The following KIAA2012 variants were observed in gnomAD, a reference collection of about 807,000 sequenced individuals.
KIAA2012 encodes the protein KIAA2012.
KIAA2012 carries 125 observed loss-of-function variants against 150.6 expected under a neutral mutation model. The observed-to-expected ratio is 0.83, with a 90% CI of 0.72 to 0.96. KIAA2012 has a LOEUF of 0.96. KIAA2012 is among the 40% of genes least tolerant of loss of function. KIAA2012 has a pLI of 0.00. For missense variants in KIAA2012, 1,219 were observed against 1,354.9 expected, an observed-to-expected ratio of 0.90 and a Z score of 1.57; for synonymous variants, 462 against 504.7, an observed-to-expected ratio of 0.92 and a Z score of 1.13.
chr2:202,125,317 T>C, intron 12 of KIAA2012, 35 bp downstream of exon 12: 3 of 1,476,646 alleles, frequency 2.0e-6, no homozygotes, highest in Non-Finnish European at 1.8e-6. Flanking sequence ...CCTCGACTTC[T>C]CTATGTAATT....
At chr2:202,201,400 C>T in intron 22 of KIAA2012, 1 of 1,588,568 alleles carries the variant, frequency 6.3e-7, no homozygotes, top group Admixed American at 1.7e-5. Flanking sequence ...GTGTAGCCAC[C>T]ATCTGATTCA....
At position 202,159,151 on chromosome 2, in the gene KIAA2012, G is replaced by A. The variant is rs80199619; in HGVS notation, c.2046+4341G>A. Among the ~76,000 whole-genome samples the A allele has an allele frequency of 4.0e-4, 61 of 152,282 alleles. 2 individuals are homozygous for A. The East Asian group carries it at 0.012, about 29-fold the overall frequency. ...AGAAGGGGGCTGCCCCGAAACCTGTGGATTTCACATACAACAGGAAAATAA... is the reference window on the plus strand; with the variant it reads ...AGAAGGGGGCTGCCCCGAAACCTGTAGATTTCACATACAACAGGAAAATAA... On this transcript the variant is annotated intron_variant, in intron 14 of 23. Coordinates refer to ENST00000498697, the MANE Select transcript of KIAA2012 (RefSeq NM_001277372.4).
intron 19 of KIAA2012, among the ~76,000 whole-genome samples, chr2:202,192,909 C>T (rs1692348276): frequency 6.6e-6 from 1 of 152,168 alleles, no homozygotes; most frequent in Non-Finnish European, 1.5e-5. Context: ...AACTGCTGCA[C>T]CCAGCCACAA....
chr2:202,141,789 C>G (rs758263739), intron 13 of KIAA2012, among the ~76,000 whole-genome samples: 11 of 152,146 alleles, frequency 7.2e-5, no homozygotes, highest in Non-Finnish European at 1.3e-4. Context: ...ACATCAATCA[C>G]TGGAGAAGCT....
chr2:202,129,440 G>A (rs984530274), intron 12 of KIAA2012, among the ~76,000 whole-genome samples: 2 of 151,974 alleles, frequency 1.3e-5, no homozygotes, highest in African/African-American at 2.4e-5. Flanking sequence ...GGCTGGTCTC[G>A]AACTCCTGAC....
In KIAA2012 at chr2:202,112,341, G is replaced by A. The variant is rs547211490; in HGVS notation, c.1652-995G>A. Among the ~76,000 whole-genome samples the A allele has an allele frequency of 9.5e-4, 144 of 152,302 alleles. 1 individual carries two copies. Among genetic ancestry groups the A allele is most frequent in the Non-Finnish European group, 1.4e-3 (98 of 68,020 alleles). The stretch of plus-strand genomic sequence containing the variant: ...AGGGCAGCAGGCCCAGAGAGGGCAC[G>A]GAAGCTCGGCACATGCTTGCCCATC... On this transcript the variant is annotated intron_variant, in intron 10 of 23. Transcript: ENST00000498697.
rs1476449514 is a variant in KIAA2012 at position 202,190,208 on chromosome 2, AG to A, written c.2527del (p.Glu843LysfsTer19). On this transcript the variant is annotated frameshift_variant, in exon 19 of 24. Transcript: ENST00000498697. LOFTEE classifies it high-confidence loss of function. ...SKDSKAKKKLEKKTRPQRKRT... is the reference protein window; with the variant it reads ...SKDSKAKKKLXKKTRPQRKRT... ...AGGACTCAAAGGCTAAAAAAAAATT[AG>A]AAAAAAAAACAAGACCCCAAAGGAA... is the stretch of plus-strand genomic sequence containing the variant. The A allele has an allele frequency of 1.3e-6, 2 of 1,520,496 alleles. No homozygotes were observed. The highest frequency in any genetic ancestry group is 1.8e-6 in the Non-Finnish European group (2 of 1,139,654). 94.2% of individuals were successfully genotyped at this position (1,520,496 alleles called of 1,614,324 possible).
At chr2:202,201,944 T>A in intron 22 of KIAA2012, 1 of 744,750 alleles carries the variant, frequency 1.3e-6, no homozygotes, top group Non-Finnish European at 2.3e-6. Context: ...TCCGTCCTCT[T>A]CCTGTTCGGA....
chr2:202,129,646 G>A (rs1690878831), intron 12 of KIAA2012, among the ~76,000 whole-genome samples: 1 of 151,964 alleles, frequency 6.6e-6, no homozygotes, highest in Non-Finnish European at 1.5e-5. Flanking sequence ...GGACATGAAG[G>A]TTGATTTCAG....
chr2:202,198,612 T>C (rs1246292773), intron 22 of KIAA2012, among the ~76,000 whole-genome samples: 3 of 152,212 alleles, frequency 2.0e-5, no homozygotes, highest in African/African-American at 4.8e-5. Context: ...TGTATTTCAA[T>C]TGACTTTTTA....
chr2:202,112,706 C>G (rs1051987247), intron 10 of KIAA2012, among the ~76,000 whole-genome samples: 1 of 152,190 alleles, frequency 6.6e-6, no homozygotes, highest in South Asian at 2.1e-4. Context: ...GGGGAAACCC[C>G]GCAATCTAGT....
chr2:202,121,437 A>G (rs189839322), intron 11 of KIAA2012, among the ~76,000 whole-genome samples: 1 of 152,334 alleles, frequency 6.6e-6, no homozygotes, highest in East Asian at 1.9e-4. Flanking sequence ...AATATGAAAT[A>G]TGGTTGAACC....
chr2:202,129,221 A>ATTTT (rs201747950), intron 12 of KIAA2012, among the ~76,000 whole-genome samples: 1 of 144,552 alleles, frequency 6.9e-6, no homozygotes, highest in Admixed American at 6.9e-5. Context: ...AAGTTTCACA[A>ATTTT]TTTTTTTTTT....
intron 3 of KIAA2012, among the ~76,000 whole-genome samples, chr2:202,092,135 T>C (rs938868862): frequency 6.6e-6 from 1 of 152,192 alleles, no homozygotes; most frequent in African/African-American, 2.4e-5. Context: ...GAGTCCTCCA[T>C]TGGAGTCTAT....
At position 202,184,778 on chromosome 2, in the gene KIAA2012, T is replaced by G; in HGVS notation, c.2145T>G (p.Leu715=). The G allele has an allele frequency of 6.5e-7, 1 of 1,548,508 alleles. No homozygotes were observed. ...ACCCAGAGCCAAGGAGTATGACCCT[T>G]GACTCTCCCAGGGCTTCCCGGACTG... ...DQDPEPRSMT[L]DSPRASRTEH... The change falls in exon 16 of 24, where the codon CTT becomes CTG. Residue 715 remains leucine (L), a synonymous_variant. Transcript: ENST00000498697.
intron 15 of KIAA2012, among the ~76,000 whole-genome samples, chr2:202,173,345 G>A (rs1272439038): frequency 6.6e-6 from 1 of 152,290 alleles, no homozygotes; most frequent in East Asian, 1.9e-4. Flanking sequence ...CAAGGCGAGC[G>A]GATCACCTGA....
At chr2:202,097,741 C>T (rs191624347) in intron 5 of KIAA2012, among the ~76,000 whole-genome samples, 164 bp downstream of exon 5, 3 of 152,260 alleles carry the variant, frequency 2.0e-5, no homozygotes, top group East Asian at 3.9e-4. Flanking sequence ...AGGTAAGCAC[C>T]TCCAGGCCTG....
At chr2:202,077,179 C>T (rs1689344475) in intron 2 of KIAA2012, 3 of 386,238 alleles carry the variant, frequency 7.8e-6, no homozygotes, top group Non-Finnish European at 1.6e-5. Flanking sequence ...CTCAATGTTG[C>T]CCCCCCAGCT....
intron 10 of KIAA2012, among the ~76,000 whole-genome samples, chr2:202,110,261 G>A (rs1003459499): frequency 6.6e-6 from 1 of 152,330 alleles, no homozygotes. Context: ...GTGAGGCAGG[G>A]CAAGGCCATT....
Sources: gnomAD v4.1 joint callset for allele counts (sites outside exome capture counted in the v4.1 genomes callset) on GRCh38, gnomAD v4.1.1 for gene constraint, MANE v1.5 for transcripts, NCBI Gene and HGNC (gene_info 2026-07-23, HGNC 2026-07-21) for gene names.